MYO3A: variants seen among roughly 807,000 people sequenced by gnomAD.
MYO3A encodes the protein myosin IIIA, also known as myosin-IIIa.
MYO3A carries 180 observed loss-of-function variants against 192.7 expected under a neutral mutation model. The observed-to-expected ratio is 0.93, with a 90% CI of 0.83 to 1.06. The LOEUF (loss-of-function observed/expected upper bound fraction) is 1.06. Ranked by LOEUF, MYO3A falls within the 50% of genes least tolerant of loss-of-function variation. The pLI is 0.00. For missense variants in MYO3A, 1,896 were observed against 1,905.0 expected (o/e 1.00, Z 0.09); for synonymous variants, 628 against 645.3 (o/e 0.97, Z 0.41).
intron 21 of MYO3A, 47 bp downstream of exon 21, chr10:26,143,648 T>C (rs1279248894): frequency 1.2e-6 from 2 of 1,600,108 alleles, no homozygotes; most frequent in Non-Finnish European, 8.6e-7. Context: ...GAATAGAGTC[T>C]TGTCATTCTG....
chr10:26,051,995 G>T (rs1844032953), intron 10 of MYO3A, among the ~76,000 whole-genome samples: 1 of 152,138 alleles, frequency 6.6e-6, no homozygotes, highest in Admixed American at 6.5e-5. Context: ...GAAAACTCAA[G>T]AACTGATTTT....
intron 34 of MYO3A, among the ~76,000 whole-genome samples, chr10:26,209,899 A>G (rs1015063482): frequency 1.3e-5 from 2 of 152,152 alleles, no homozygotes; most frequent in Admixed American, 1.3e-4. Flanking sequence ...GTTCAAGACC[A>G]GCCGGGGTAA....
At chr10:26,110,873 T>C (rs906598454) in intron 17 of MYO3A, among the ~76,000 whole-genome samples, 4 of 150,888 alleles carry the variant, frequency 2.7e-5, no homozygotes, top group Admixed American at 6.6e-5. Context: ...TCTTTTCTTT[T>C]TTTTTTTTTT....
chr10:25,943,778 G>A (rs1342403469), intron 2 of MYO3A, among the ~76,000 whole-genome samples: 1 of 151,062 alleles, frequency 6.6e-6, no homozygotes, highest in African/African-American at 2.4e-5. Flanking sequence ...TTGTGTGTGT[G>A]TGTGTGTGTG....
rs145712577 is a variant in MYO3A at position 26,011,681 on chromosome 10, A to G, written c.509-5139A>G. ...ACCTATTCACTGAATTCTATCAGAC[A>G]TTCAAAGAAGAATGGATGCCAATCC... On this transcript the variant is annotated intron_variant, in intron 6 of 34. Coordinates refer to ENST00000642920, the MANE Select transcript of MYO3A (RefSeq NM_017433.5). Among the ~76,000 whole-genome samples, 3 of 152,314 alleles carry G rather than the reference A, an allele frequency of 2.0e-5. No individual in the cohort carries two copies. The East Asian group carries it at 5.8e-4, about 29-fold the overall frequency.
chr10:26,073,206 A>C (rs553174177), intron 14 of MYO3A, among the ~76,000 whole-genome samples: 1 of 152,328 alleles, frequency 6.6e-6, no homozygotes, highest in Non-Finnish European at 1.5e-5. Flanking sequence ...CCTGGGTGAC[A>C]GAACAAGACC....
chr10:26,007,890 T>G (rs1257063807), intron 6 of MYO3A, among the ~76,000 whole-genome samples: 1 of 152,080 alleles, frequency 6.6e-6, no homozygotes, highest in Non-Finnish European at 1.5e-5. Context: ...TACTTTACAG[T>G]TCATATGGCA....
intron 10 of MYO3A, among the ~76,000 whole-genome samples, chr10:26,065,756 G>C (rs1834798693): frequency 6.6e-6 from 1 of 151,986 alleles, no homozygotes; most frequent in African/African-American, 2.4e-5. Context: ...ATGTAGGAAT[G>C]AGAGAAAAAG....
Position 25,952,250 on chromosome 10 carries a change from C to A in MYO3A, c.140C>A (p.Ala47Glu). 3 of 1,612,556 alleles carry A rather than the reference C, an allele frequency of 1.9e-6. No individual in the cohort carries two copies. The highest frequency in any genetic ancestry group is 2.5e-6 in the Non-Finnish European group (3 of 1,179,118). Residue 47 changes from alanine to glutamate, a missense_variant, in exon 3 of 35, where the codon GCA becomes GAA. Coordinates refer to ENST00000642920, the MANE Select transcript of MYO3A (RefSeq NM_017433.5). ...KVLNKKNGQKAAVKILDPIHD... is the reference protein window; with the variant it reads ...KVLNKKNGQKEAVKILDPIHD... ...TTGAATAAGAAAAATGGCCAAAAAG[C>A]AGCAGTCAAAATTCTTGATCCAATT...
In MYO3A at chr10:26,166,183, T is replaced by C. The variant is rs375524174; in HGVS notation, c.3111+5T>C. 3.8e-6 allele frequency: 6 copies of C among 1,589,352 alleles called. No individual in the cohort carries two copies. Among genetic ancestry groups the C allele is most frequent in the Non-Finnish European group, 5.2e-6 (6 of 1,158,112 alleles). On this transcript the variant is annotated splice_donor_5th_base_variant and intron_variant, in intron 27 of 34. Coordinates refer to ENST00000642920, the MANE Select transcript of MYO3A (RefSeq NM_017433.5). Reference sequence around the variant, plus strand: ...TGGGCTCTTGGAAAAACAAAAGTAATGTTTTCATGTAATTTTCAGGAAAAT... The same window carrying C: ...TGGGCTCTTGGAAAAACAAAAGTAACGTTTTCATGTAATTTTCAGGAAAAT...
chr10:26,157,915 G>T (rs1357128874), intron 26 of MYO3A, among the ~76,000 whole-genome samples: 3 of 152,104 alleles, frequency 2.0e-5, no homozygotes, highest in Non-Finnish European at 4.4e-5. Context: ...TGGTGTAGGG[G>T]CGTGGGGGGA....
chr10:26,068,846 C>T lies in MYO3A; in HGVS notation c.1132C>T (p.Leu378Phe). The T allele has an allele frequency of 1.9e-6, 3 of 1,598,830 alleles. No individual in the cohort carries two copies. Among genetic ancestry groups the T allele is most frequent in the Non-Finnish European group, 2.6e-6 (3 of 1,166,268 alleles). Residue 378 changes from leucine to phenylalanine, a missense_variant, in exon 12 of 35, where the codon CTT (leucine) becomes TTT (phenylalanine). Leu to Phe is a conservative substitution (Grantham distance 22, BLOSUM62 0). Transcript: ENST00000642920. ...CTATGTGGGAGACATACTCATTGCT[C>T]TTAACCCTTTTCAGAGTCTGGGTCT... ...YVYVGDILIA[L>F]NPFQSLGLYS...
At chr10:26,114,957 A>G (rs1434588078) in intron 17 of MYO3A, among the ~76,000 whole-genome samples, 4 of 152,242 alleles carry the variant, frequency 2.6e-5, no homozygotes, top group Admixed American at 6.5e-5. Flanking sequence ...CATAAGCCAG[A>G]ACTGAGACAT....
At chr10:26,076,111 C>T (rs1835559748) in intron 14 of MYO3A, among the ~76,000 whole-genome samples, 1 of 152,026 alleles carries the variant, frequency 6.6e-6, no homozygotes, top group Non-Finnish European at 1.5e-5. Flanking sequence ...TACATTCCCA[C>T]CAGCAGTGTA....
intron 14 of MYO3A, among the ~76,000 whole-genome samples, chr10:26,077,246 T>A: frequency 6.9e-6 from 1 of 144,244 alleles, no homozygotes; most frequent in African/African-American, 2.6e-5. Flanking sequence ...TTTTTTTTTT[T>A]TTTTTTTTTG....
Position 26,068,876 on chromosome 10 carries a change from TC to T in MYO3A, c.1164del (p.Thr389GlnfsTer25). The T allele has an allele frequency of 6.4e-7, 1 of 1,565,922 alleles. No homozygotes were observed. Among genetic ancestry groups the T allele is most frequent in the Non-Finnish European group, 8.8e-7 (1 of 1,136,398 alleles). On this transcript the variant is annotated frameshift_variant, in exon 12 of 35. Coordinates refer to ENST00000642920, the MANE Select transcript of MYO3A (RefSeq NM_017433.5). LOFTEE classifies it high-confidence loss of function. ...CCCTTTTCAGAGTCTGGGTCTTTACTCCACAAAGGTATGTCGTATGGGGTGC... is the reference window on the plus strand; with the variant it reads ...CCCTTTTCAGAGTCTGGGTCTTTACTCACAAAGGTATGTCGTATGGGGTGC... The part of the protein sequence containing the change: ...LNPFQSLGLY[S>X]TKHSKLYIGS...
intron 17 of MYO3A, among the ~76,000 whole-genome samples, 191 bp from the exon 18 acceptor site, chr10:26,120,485 A>T (rs1256942857): frequency 6.6e-6 from 1 of 152,174 alleles, no homozygotes; most frequent in African/African-American, 2.4e-5. Context: ...AGTAACAGGC[A>T]CTATGCTAAC....
chr10:26,199,652 C>A (rs762571126), intron 32 of MYO3A, among the ~76,000 whole-genome samples: 1 of 151,504 alleles, frequency 6.6e-6, no homozygotes, highest in African/African-American at 2.4e-5. Flanking sequence ...TCTAGGAATT[C>A]GTGTAACTGA....
At chr10:25,992,889 G>A (rs1445554829) in intron 4 of MYO3A, among the ~76,000 whole-genome samples, 1 of 152,200 alleles carries the variant, frequency 6.6e-6, no homozygotes, top group Non-Finnish European at 1.5e-5. Context: ...GCTTTTTGAT[G>A]TGCTGCTGGA....
Sources: gnomAD v4.1 joint callset for allele counts (sites outside exome capture counted in the v4.1 genomes callset) on GRCh38, gnomAD v4.1.1 for gene constraint, MANE v1.5 for transcripts, NCBI Gene and HGNC (gene_info 2026-07-23, HGNC 2026-07-21) for gene names.